FOXP1: variants seen among roughly 807,000 people sequenced by gnomAD.
FOXP1 encodes forkhead box protein P1.
FOXP1 carries 15 observed loss-of-function variants against 98.2 expected under a neutral mutation model. That is an observed-to-expected ratio of 0.15 (90% CI 0.10 to 0.24). The LOEUF is 0.24. FOXP1 is among the 10% of genes least tolerant of loss of function. FOXP1 has a pLI of 1.00. For missense variants in FOXP1, 633 were observed against 848.5 expected (o/e 0.75, Z 3.15); for synonymous variants, 371 against 314.5 (o/e 1.18, Z -1.90).
intron 2 of FOXP1, among the ~76,000 whole-genome samples, chr3:71,525,328 G>C (rs895706293): frequency 1.3e-5 from 2 of 152,160 alleles, no homozygotes; most frequent in African/African-American, 4.8e-5. Flanking sequence ...AAAATTATGG[G>C]CTGCTACAAA....
Position 71,091,139 on chromosome 3 carries a change from A to C in FOXP1, c.282+21397T>G, listed in dbSNP as rs1168674099. Among the ~76,000 whole-genome samples the C allele has an allele frequency of 2.1e-3, 10 of 4,714 alleles. No homozygotes were observed. In the Admixed American group the frequency reaches 0.027, roughly 13 times the overall value. The allele number at this position is 4,714 out of a possible 152,430, so 3.1% of individuals were successfully genotyped here. A position where few individuals can be genotyped will look rare whatever the true frequency, so the allele number is the denominator to read the frequency against. Reference sequence around the variant, plus strand: ...TGTGTGTGTGTGTGTGTGTATTCTTAAATTAATCCTCTGAATTAATCTGCT... The same window carrying C: ...TGTGTGTGTGTGTGTGTGTATTCTTCAATTAATCCTCTGAATTAATCTGCT... On this transcript the variant is annotated intron_variant, in intron 7 of 20. Transcript: ENST00000649528.
At chr3:71,308,134 A>G (rs1353418689) in intron 4 of FOXP1, among the ~76,000 whole-genome samples, 2 of 150,896 alleles carry the variant, frequency 1.3e-5, no homozygotes, top group Non-Finnish European at 2.9e-5. Context: ...TGTAAGCTTG[A>G]GAGAAAATGC....
At chr3:70,967,235 C>A (rs931514719) in intron 19 of FOXP1, among the ~76,000 whole-genome samples, 1 of 152,158 alleles carries the variant, frequency 6.6e-6, no homozygotes, top group Non-Finnish European at 1.5e-5. Context: ...AAAGTAAAAG[C>A]CAAAAGAGTG....
intron 10 of FOXP1, 56 bp downstream of exon 10, chr3:71,046,886 A>C: frequency 1.3e-6 from 2 of 1,596,372 alleles, no homozygotes; most frequent in East Asian, 4.5e-5. Flanking sequence ...GAGACAACCC[A>C]CCACCTCCAC....
At chr3:71,033,719 C>A (rs1004346293) in intron 11 of FOXP1, among the ~76,000 whole-genome samples, 3 of 151,880 alleles carry the variant, frequency 2.0e-5, no homozygotes, top group Admixed American at 2.0e-4. Context: ...GGCGGTGATA[C>A]GGCACCATGC....
Position 71,376,161 on chromosome 3 carries a change from C to A in FOXP1, c.-167-16917G>T, listed in dbSNP as rs149793445. The stretch of plus-strand genomic sequence containing the variant: ...TCATTGATGGGCCATAATAATGTAA[C>A]AAAACATTACTGAATTATTTCACCT... On this transcript the variant is annotated intron_variant, in intron 3 of 20. Coordinates refer to ENST00000649528, the MANE Select transcript of FOXP1 (RefSeq NM_001349338.3). Among the ~76,000 whole-genome samples the A allele has an allele frequency of 8.6e-3, 1,303 of 152,176 alleles. 20 individuals are homozygous for A. The highest frequency in any genetic ancestry group is 0.03 in the African/African-American group (1,233 of 41,532).
chr3:70,990,655 T>C (rs1453684844), intron 13 of FOXP1, among the ~76,000 whole-genome samples: 1 of 152,190 alleles, frequency 6.6e-6, no homozygotes, highest in Non-Finnish European at 1.5e-5. Context: ...AAATTTGTGT[T>C]GAAATATCAG....
intron 5 of FOXP1, 30 bp from the exon 6 acceptor site, chr3:71,198,422 G>A (rs76943175): frequency 5.7e-6 from 3 of 527,986 alleles, no homozygotes; most frequent in South Asian, 2.9e-5. Flanking sequence ...GATGGGGGGA[G>A]GGAGGGGGGG....
intron 4 of FOXP1, among the ~76,000 whole-genome samples, chr3:71,304,986 G>A (rs1215121333): frequency 6.6e-6 from 1 of 152,006 alleles, no homozygotes; most frequent in African/African-American, 2.4e-5. Flanking sequence ...TATCTTCCTT[G>A]GATGGTTCAC....
chr3:71,210,917 C>T (rs1189892830), intron 5 of FOXP1: 1 of 152,108 alleles, frequency 6.6e-6, no homozygotes, highest in Non-Finnish European at 1.5e-5. Context: ...TTTCCTGAAC[C>T]CTGGATGAAC....
At chr3:71,152,528 C>T (rs2060620651) in intron 6 of FOXP1, among the ~76,000 whole-genome samples, 1 of 152,162 alleles carries the variant, frequency 6.6e-6, no homozygotes, top group Admixed American at 6.5e-5. Context: ...GGGCTGAGCC[C>T]CACCTGAAAC....
intron 11 of FOXP1, among the ~76,000 whole-genome samples, chr3:71,025,870 C>G (rs2046047125): frequency 6.6e-6 from 1 of 152,176 alleles, no homozygotes; most frequent in African/African-American, 2.4e-5. Context: ...TCTTCTAAGC[C>G]TGGTTCATAT....
chr3:71,080,997 TTGTC>T (rs1216858521), intron 7 of FOXP1, among the ~76,000 whole-genome samples: 1 of 152,220 alleles, frequency 6.6e-6, no homozygotes, highest in Non-Finnish European at 1.5e-5. Context: ...TACCAGCACT[TTGTC>T]TGAAACCTTT....
intron 2 of FOXP1, among the ~76,000 whole-genome samples, chr3:71,501,461 A>AT (rs1251829050): frequency 1.3e-5 from 2 of 151,568 alleles, no homozygotes; most frequent in African/African-American, 4.9e-5. Context: ...CACCCACCTA[A>AT]TTTTTGTATT....
chr3:71,400,713 T>G (rs886880126), intron 3 of FOXP1, among the ~76,000 whole-genome samples: 15 of 152,148 alleles, frequency 9.9e-5, no homozygotes, highest in African/African-American at 3.6e-4. Context: ...GAACCTCACA[T>G]TTTCAAAAGA....
At chr3:71,378,824 T>C (rs1002714410) in intron 3 of FOXP1, among the ~76,000 whole-genome samples, 11 of 152,048 alleles carry the variant, frequency 7.2e-5, no homozygotes, top group African/African-American at 2.7e-4. Context: ...TATGTATGTA[T>C]AGGAAAAAAC....
intron 5 of FOXP1, among the ~76,000 whole-genome samples, chr3:71,280,848 CTGTT>C (rs2071462000): frequency 1.3e-5 from 2 of 151,778 alleles, no homozygotes; most frequent in South Asian, 2.1e-4. Context: ...GTTTTCCTTA[CTGTT>C]TGTTTGTTAT....
intron 6 of FOXP1, among the ~76,000 whole-genome samples, chr3:71,173,441 C>G (rs2061755146): frequency 6.6e-6 from 1 of 150,910 alleles, no homozygotes; most frequent in Admixed American, 6.6e-5. Flanking sequence ...TTAGTTCTTG[C>G]CCTGCATAAA....
At chr3:71,411,202 T>C (rs2082701641) in intron 3 of FOXP1, among the ~76,000 whole-genome samples, 1 of 152,196 alleles carries the variant, frequency 6.6e-6, no homozygotes, top group African/African-American at 2.4e-5. Flanking sequence ...CATTCGCTTC[T>C]TTCTTATGCA....
Sources: gnomAD v4.1 joint callset for allele counts (sites outside exome capture counted in the v4.1 genomes callset) on GRCh38, gnomAD v4.1.1 for gene constraint, MANE v1.5 for transcripts, NCBI Gene and HGNC (gene_info 2026-07-23, HGNC 2026-07-21) for gene names.